Variants in COLGALT2 observed in about 807,000 individuals in gnomAD.
COLGALT2 encodes collagen beta(1-O)galactosyltransferase 2.
In COLGALT2, 49 loss-of-function variants were observed where a neutral mutation model predicts 73.4. The ratio of observed to expected loss-of-function variants is 0.67; its 90% CI spans 0.53 to 0.85. The LOEUF is 0.85. COLGALT2 is among the 40% of genes least tolerant of loss of function. The pLI, the probability that COLGALT2 is intolerant of heterozygous loss-of-function variation, is 0.00. For missense variants in COLGALT2, 722 were observed against 790.2 expected (o/e 0.91, Z 1.03); for synonymous variants, 295 against 307.6 (o/e 0.96, Z 0.43).
At chr1:184,025,133 C>A (rs775428800) in intron 1 of COLGALT2, among the ~76,000 whole-genome samples, 8 of 152,226 alleles carry the variant, frequency 5.3e-5, no homozygotes, top group Non-Finnish European at 8.8e-5. Context: ...GAGGACTTGG[C>A]AGAATGTAAC....
chr1:184,002,437 G>T (rs1216703746), intron 1 of COLGALT2, among the ~76,000 whole-genome samples: 5 of 152,192 alleles, frequency 3.3e-5, no homozygotes, highest in Non-Finnish European at 7.3e-5. Flanking sequence ...CAGCAAAGGG[G>T]ATTACTAAGC....
intron 1 of COLGALT2, among the ~76,000 whole-genome samples, chr1:183,996,004 T>C (rs192194862): frequency 1.3e-5 from 2 of 152,370 alleles, no homozygotes; most frequent in Admixed American, 1.3e-4. Flanking sequence ...CTCTTTTACC[T>C]GAATTATCTA....
intron 8 of COLGALT2, among the ~76,000 whole-genome samples, chr1:183,950,002 A>C (rs1343953362): frequency 6.6e-6 from 1 of 152,166 alleles, no homozygotes; most frequent in African/African-American, 2.4e-5. Flanking sequence ...GGAAGTGAAA[A>C]ACACAAAACA....
At chr1:183,968,932 C>T (rs956595000) in intron 5 of COLGALT2, among the ~76,000 whole-genome samples, 2 of 152,160 alleles carry the variant, frequency 1.3e-5, no homozygotes, top group Non-Finnish European at 2.9e-5. Flanking sequence ...GCCTCTGTGA[C>T]AGTTTCCTAA....
At chr1:183,996,643 A>C (rs994219138) in intron 1 of COLGALT2, among the ~76,000 whole-genome samples, 1 of 152,178 alleles carries the variant, frequency 6.6e-6, no homozygotes, top group Non-Finnish European at 1.5e-5. Flanking sequence ...CTGTCAGCTG[A>C]CACTGCTTAT....
intron 9 of COLGALT2, 119 bp from the exon 10 acceptor site, chr1:183,944,442 G>C: frequency 9.0e-7 from 1 of 1,105,926 alleles, no homozygotes; most frequent in Non-Finnish European, 1.3e-6. Flanking sequence ...TGGAATCTAA[G>C]CAAATGGCCA....
At chr1:183,942,842 T>G (rs966232193) in intron 10 of COLGALT2, among the ~76,000 whole-genome samples, 3 of 152,276 alleles carry the variant, frequency 2.0e-5, no homozygotes, top group African/African-American at 7.2e-5. Flanking sequence ...GTCGGTACTT[T>G]GTCCTGAGAA....
intron 6 of COLGALT2, among the ~76,000 whole-genome samples, chr1:183,956,279 C>G (rs993254564): frequency 6.6e-6 from 1 of 152,208 alleles, no homozygotes; most frequent in Admixed American, 6.5e-5. Flanking sequence ...AATTCTAGAA[C>G]GTAGTGAGAC....
Position 183,994,604 on chromosome 1 carries a change from G to A in COLGALT2, c.264-16084C>T, listed in dbSNP as rs564698567. ...CGAATAGCTCGGATTACTGGGGCGT[G>A]CCACCATGCCCGGCCAATTTTTGTA... is the stretch of plus-strand genomic sequence containing the variant. On this transcript the variant is annotated intron_variant, in intron 1 of 11. Transcript: ENST00000361927. Among the ~76,000 whole-genome samples the A allele has an allele frequency of 3.2e-4, 49 of 152,192 alleles. 1 individual carries two copies. Among genetic ancestry groups the A allele is most frequent in the Middle Eastern group, 3.4e-3 (1 of 294 alleles).
In COLGALT2 at chr1:183,936,374, A is replaced by T; in HGVS notation, c.*2387T>A. 1 of 985,972 alleles carries T rather than the reference A, an allele frequency of 1.0e-6. No individual in the cohort carries two copies. Among genetic ancestry groups the T allele is most frequent in the Non-Finnish European group, 1.2e-6 (1 of 830,008 alleles). 61.1% of individuals were successfully genotyped at this position (985,972 alleles called of 1,614,324 possible). ...AGAAAAGAACACTGCTTGGGATTCT[A>T]GACCTGAGCAGGGAGAAACAAACCG... is the stretch of plus-strand genomic sequence containing the variant. On this transcript the variant is annotated 3_prime_UTR_variant, in exon 12 of 12. Transcript: ENST00000361927.
chr1:183,946,280 C>T (rs1002312703), intron 8 of COLGALT2: 10 of 152,178 alleles, frequency 6.6e-5, no homozygotes, highest in Non-Finnish European at 1.2e-4. Flanking sequence ...CTGATGCTAA[C>T]AAGAAGCCCA....
At chr1:184,021,983 G>A (rs955882627) in intron 1 of COLGALT2, among the ~76,000 whole-genome samples, 1 of 152,176 alleles carries the variant, frequency 6.6e-6, no homozygotes, top group African/African-American at 2.4e-5. Flanking sequence ...TTGTTCAGGG[G>A]TCTGGAAAGG....
At chr1:184,023,687 A>G (rs1649245835) in intron 1 of COLGALT2, among the ~76,000 whole-genome samples, 1 of 151,108 alleles carries the variant, frequency 6.6e-6, no homozygotes, top group South Asian at 2.1e-4. Flanking sequence ...GAAGACTTGC[A>G]CTTACTTATT....
chr1:184,031,817 A>ATCCATCCTTCCTTCCTTCCTTCCT (rs369842594), intron 1 of COLGALT2, among the ~76,000 whole-genome samples: 1 of 139,190 alleles, frequency 7.2e-6, no homozygotes, highest in Admixed American at 7.3e-5. Flanking sequence ...CCATGAATGT[A>ATCCATCCTTCCTTCCTTCCTTCCT]TCCTTCCTTC....
downstream of COLGALT2, among the ~76,000 whole-genome samples, chr1:183,931,932 G>A (rs1357697864): frequency 6.6e-6 from 1 of 151,122 alleles, no homozygotes; most frequent in Non-Finnish European, 1.5e-5. Context: ...CTGTTAGCTT[G>A]CCCTTTGACA....
chr1:183,986,176 G>C (rs1179365100), intron 1 of COLGALT2, among the ~76,000 whole-genome samples: 1 of 152,064 alleles, frequency 6.6e-6, no homozygotes, highest in Non-Finnish European at 1.5e-5. Flanking sequence ...TAAAGATCTG[G>C]AATCCTTTTT....
intron 1 of COLGALT2, among the ~76,000 whole-genome samples, chr1:183,982,965 G>A (rs1332009428): frequency 1.3e-5 from 2 of 152,096 alleles, no homozygotes; most frequent in African/African-American, 4.8e-5. Context: ...GTGTTTTCCT[G>A]GTGTACAGAT....
chr1:184,014,766 G>T (rs962194543), intron 1 of COLGALT2, among the ~76,000 whole-genome samples: 4 of 152,176 alleles, frequency 2.6e-5, no homozygotes, highest in Non-Finnish European at 5.9e-5. Flanking sequence ...TAGACAGGAT[G>T]AAATCTCTCT....
rs2102785578 is a variant in COLGALT2 at position 183,938,624 on chromosome 1, C to A, written c.*137G>T. ...CAAAAATATGTTAATTTCGATCTATCACACTAGATCACTTTGGTTAGATGA... is the reference window on the plus strand; with the variant it reads ...CAAAAATATGTTAATTTCGATCTATAACACTAGATCACTTTGGTTAGATGA... On this transcript the variant is annotated 3_prime_UTR_variant, in exon 12 of 12. Coordinates refer to ENST00000361927, the MANE Select transcript of COLGALT2 (RefSeq NM_015101.4). The A allele has an allele frequency of 2.1e-6, 3 of 1,443,224 alleles. No individual in the cohort carries two copies. In the East Asian group the frequency reaches 7.4e-5, roughly 36 times the overall value. 89.4% of individuals were successfully genotyped at this position (1,443,224 alleles called of 1,614,324 possible).
Sources: gnomAD v4.1 joint callset for allele counts (sites outside exome capture counted in the v4.1 genomes callset) on GRCh38, gnomAD v4.1.1 for gene constraint, MANE v1.5 for transcripts, NCBI Gene and HGNC (gene_info 2026-07-23, HGNC 2026-07-21) for gene names.